Variants in SPAG16 observed in about 807,000 individuals in gnomAD.
SPAG16 encodes sperm associated antigen 16.
In SPAG16, 86 loss-of-function variants were observed where a neutral mutation model predicts 80.4. The ratio of observed to expected loss-of-function variants is 1.07; its 90% CI spans 0.90 to 1.28. SPAG16 has a LOEUF of 1.28. Ranked by LOEUF, SPAG16 falls within the 50% of genes most tolerant of loss-of-function variation. The probability of loss-of-function intolerance (pLI) is 0.00; values close to 1 mark genes in which losing one functional copy is unlikely to be tolerated. For missense variants in SPAG16, 870 were observed against 765.3 expected (o/e 1.14, Z -1.61); for synonymous variants, 294 against 265.9 (o/e 1.11, Z -1.03).
intron 9 of SPAG16, among the ~76,000 whole-genome samples, chr2:213,440,052 C>G (rs1325886504): frequency 6.6e-6 from 1 of 152,118 alleles, no homozygotes; most frequent in Non-Finnish European, 1.5e-5. Context: ...GCGTAGCTGT[C>G]AATTTTGCTA....
chr2:214,370,476 G>A (rs1699739681), intron 15 of SPAG16, among the ~76,000 whole-genome samples: 1 of 152,158 alleles, frequency 6.6e-6, no homozygotes, highest in African/African-American at 2.4e-5. Flanking sequence ...AATTTATGGT[G>A]TACAATGTGA....
chr2:213,759,557 A>G (rs1324628797), intron 10 of SPAG16, among the ~76,000 whole-genome samples: 1 of 152,134 alleles, frequency 6.6e-6, no homozygotes, highest in African/African-American at 2.4e-5. Context: ...GGTGGTACAA[A>G]TTTAAATTAG....
chr2:213,910,946 G>A (rs1215009739), intron 11 of SPAG16, among the ~76,000 whole-genome samples: 1 of 152,118 alleles, frequency 6.6e-6, no homozygotes, highest in Non-Finnish European at 1.5e-5. Context: ...TGCAGAGCCA[G>A]AATGAGAAGC....
At position 213,690,176 on chromosome 2, in the gene SPAG16, GT is replaced by G. The variant is rs151170271; in HGVS notation, c.1071-172307del. ...TGCCCTTTCTTCAGATATTTGCCTCGTTAACAAACTCCTCTATTTCTAGACT... is the reference window on the plus strand; with the variant it reads ...TGCCCTTTCTTCAGATATTTGCCTCGTAACAAACTCCTCTATTTCTAGACT... On this transcript the variant is annotated intron_variant, in intron 10 of 15. Coordinates refer to ENST00000331683, the MANE Select transcript of SPAG16 (RefSeq NM_024532.5). Among the ~76,000 whole-genome samples, 1,125 of 152,174 alleles carry G rather than the reference GT, an allele frequency of 7.4e-3. 16 individuals carry two copies. The highest frequency in any genetic ancestry group is 0.026 in the African/African-American group (1,079 of 41,522).
intron 10 of SPAG16, among the ~76,000 whole-genome samples, chr2:213,702,446 C>T (rs1337280079): frequency 1.3e-5 from 2 of 152,210 alleles, no homozygotes; most frequent in South Asian, 2.1e-4. Context: ...ACCTTCACTT[C>T]TGAGGCCAGT....
chr2:214,324,099 A>T (rs1696303327), intron 15 of SPAG16, among the ~76,000 whole-genome samples: 2 of 152,204 alleles, frequency 1.3e-5, no homozygotes, highest in African/African-American at 4.8e-5. Context: ...GCTTGATAGA[A>T]AAATGAAAAT....
intron 10 of SPAG16, among the ~76,000 whole-genome samples, chr2:213,502,471 T>C (rs539125675): frequency 6.6e-6 from 1 of 152,150 alleles, no homozygotes; most frequent in Non-Finnish European, 1.5e-5. Flanking sequence ...TAAAAATATT[T>C]TATTTTTTAT....
At chr2:214,133,731 C>T (rs538477992) in intron 14 of SPAG16, among the ~76,000 whole-genome samples, 2 of 152,186 alleles carry the variant, frequency 1.3e-5, no homozygotes, top group South Asian at 4.1e-4. Flanking sequence ...AAGTTCACTG[C>T]ATGTGTCCCA....
chr2:213,525,220 G>C (rs1466916301), intron 10 of SPAG16, among the ~76,000 whole-genome samples: 3 of 149,598 alleles, frequency 2.0e-5, no homozygotes, highest in African/African-American at 7.4e-5. Context: ...GACCAGGTAT[G>C]TAAGTTTCCT....
chr2:213,340,326 A>G (rs779600805), intron 6 of SPAG16, 56 bp downstream of exon 6: 2 of 1,206,846 alleles, frequency 1.7e-6, no homozygotes, highest in Non-Finnish European at 2.4e-6. Flanking sequence ...CATGTTAAGT[A>G]ATTTGATTAT....
intron 15 of SPAG16, among the ~76,000 whole-genome samples, chr2:214,356,177 C>G (rs550449556): frequency 2.0e-4 from 30 of 150,248 alleles, no homozygotes; most frequent in Non-Finnish European, 1.5e-4. Flanking sequence ...TAACCTAAAA[C>G]TTTAAGTATA....
chr2:214,007,316 C>T (rs886194585), intron 12 of SPAG16, among the ~76,000 whole-genome samples: 1 of 151,810 alleles, frequency 6.6e-6, no homozygotes, highest in Non-Finnish European at 1.5e-5. Flanking sequence ...AACAATATGG[C>T]CAGGGATGGT....
intron 14 of SPAG16, among the ~76,000 whole-genome samples, chr2:214,124,718 G>C (rs1009434070): frequency 1.3e-5 from 2 of 151,768 alleles, no homozygotes; most frequent in Non-Finnish European, 2.9e-5. Context: ...GTGACTGTTA[G>C]TTAACATGCA....
At chr2:213,540,029 A>ATTTTTTTTTTT (rs58117443) in intron 10 of SPAG16, among the ~76,000 whole-genome samples, 2 of 110,814 alleles carry the variant, frequency 1.8e-5, no homozygotes, top group Non-Finnish European at 3.6e-5. Flanking sequence ...ATATTTCTTA[A>ATTTTTTTTTTT]TTTTTTTTTT....
At chr2:213,398,874 T>C (rs2068175507) in intron 9 of SPAG16, among the ~76,000 whole-genome samples, 1 of 152,192 alleles carries the variant, frequency 6.6e-6, no homozygotes, top group South Asian at 2.1e-4. Context: ...GCCTGGCAAA[T>C]AGTAATTATC....
intron 13 of SPAG16, among the ~76,000 whole-genome samples, chr2:214,086,252 C>G (rs1464598419): frequency 1.3e-5 from 2 of 152,114 alleles, no homozygotes; most frequent in African/African-American, 4.8e-5. Context: ...TTACCAATTC[C>G]AGAGGTTACT....
At chr2:213,513,072 T>C (rs1443352378) in intron 10 of SPAG16, among the ~76,000 whole-genome samples, 1 of 152,192 alleles carries the variant, frequency 6.6e-6, no homozygotes, top group East Asian at 1.9e-4. Context: ...ATACCTGATG[T>C]CATGCTGTCT....
At chr2:213,652,516 G>A (rs1259564435) in intron 10 of SPAG16, among the ~76,000 whole-genome samples, 1 of 151,932 alleles carries the variant, frequency 6.6e-6, no homozygotes, top group African/African-American at 2.4e-5. Flanking sequence ...CAGCAGCAAG[G>A]TATAAGAAAT....
At chr2:213,866,770 C>T (rs2075704351) in intron 11 of SPAG16, among the ~76,000 whole-genome samples, 1 of 152,178 alleles carries the variant, frequency 6.6e-6, no homozygotes, top group Non-Finnish European at 1.5e-5. Context: ...TAACATCTGT[C>T]TATGGAAGCT....
Sources: allele counts gnomAD v4.1 joint callset (sites outside exome capture counted in the v4.1 genomes callset), GRCh38; gene constraint gnomAD v4.1.1; transcripts MANE v1.5; gene names NCBI Gene and HGNC (gene_info 2026-07-23, HGNC 2026-07-21).